CDH10: variants seen among roughly 807,000 people sequenced by gnomAD.
CDH10 encodes the protein cadherin 10.
Under a neutral mutation model 73.1 loss-of-function variants are expected in CDH10, and 30 were observed. That is an observed-to-expected ratio of 0.41 (90% CI 0.31 to 0.56). CDH10 has a LOEUF of 0.56. CDH10 is among the 20% of genes least tolerant of loss of function. The pLI, the probability that CDH10 is intolerant of heterozygous loss-of-function variation, is 0.27. For synonymous variants in CDH10, 345 were observed against 348.2 expected (o/e 0.99, Z 0.10); for missense variants, 815 against 973.7 (o/e 0.84, Z 2.17).
intron 1 of CDH10, among the ~76,000 whole-genome samples, chr5:24,594,263 T>A (rs1187875678): frequency 6.6e-6 from 1 of 151,896 alleles, no homozygotes; most frequent in Non-Finnish European, 1.5e-5. Context: ...TATAATTAAA[T>A]CCAGCAGATA....
At chr5:24,576,895 T>C (rs1745626455) in intron 2 of CDH10, among the ~76,000 whole-genome samples, 1 of 151,856 alleles carries the variant, frequency 6.6e-6, no homozygotes, top group Non-Finnish European at 1.5e-5. Flanking sequence ...TAATGAGCAA[T>C]ATTGAAAACA....
intron 11 of CDH10, among the ~76,000 whole-genome samples, 194 bp downstream of exon 11, chr5:24,491,382 C>CAAATAT (rs111560999): frequency 1.3e-5 from 2 of 151,482 alleles, no homozygotes; most frequent in African/African-American, 2.4e-5. Context: ...ACTATTACTA[C>CAAATAT]AACAAAAATT....
At chr5:24,562,666 G>A (rs1447474470) in intron 2 of CDH10, among the ~76,000 whole-genome samples, 1 of 152,016 alleles carries the variant, frequency 6.6e-6, no homozygotes, top group Non-Finnish European at 1.5e-5. Flanking sequence ...GATGTAGAAA[G>A]ACAAAAAATA....
chr5:24,559,857 GT>G (rs1744894440), intron 2 of CDH10, among the ~76,000 whole-genome samples: 1 of 152,058 alleles, frequency 6.6e-6, no homozygotes, highest in Non-Finnish European at 1.5e-5. Context: ...ACCCCTATCA[GT>G]TTCTTTATTT....
intron 2 of CDH10, among the ~76,000 whole-genome samples, chr5:24,583,038 G>C (rs1446692859): frequency 6.6e-6 from 1 of 151,194 alleles, no homozygotes; most frequent in East Asian, 1.9e-4. Context: ...AATAGCACCT[G>C]TCATATTGCT....
chr5:24,530,294 T>G (rs530308586), intron 5 of CDH10, among the ~76,000 whole-genome samples: 1 of 152,078 alleles, frequency 6.6e-6, no homozygotes, highest in East Asian at 1.9e-4. Context: ...ATTGTAACAT[T>G]TTCTCAGGGA....
In CDH10 at chr5:24,562,015, T is replaced by TTGTTAC. The variant is rs1391975281; in HGVS notation, c.232-24342_232-24341insGTAACA. On this transcript the variant is annotated intron_variant, in intron 2 of 11. Coordinates refer to ENST00000264463, the MANE Select transcript of CDH10 (RefSeq NM_006727.5). ...TTTCTTGGTAGGCCCAATAAATGGT[T>TTGTTAC]TGTTGTTTCTAATTTGCTGGATGCA... is the stretch of plus-strand genomic sequence containing the variant. 3.9e-3 allele frequency among the ~76,000 whole-genome samples: 18 copies of TTGTTAC among 4,644 alleles called. No homozygotes were observed. In the East Asian group the frequency reaches 0.18, roughly 46 times the overall value. 3.0% of individuals were successfully genotyped at this position (4,644 alleles called of 152,430 possible).
In CDH10 at chr5:24,587,493, A is replaced by G. The variant is rs184091412; in HGVS notation, c.231+5767T>C. Among the ~76,000 whole-genome samples the G allele has an allele frequency of 8.6e-3, 1,303 of 152,296 alleles. 11 individuals carry two copies. Among genetic ancestry groups the G allele is most frequent in the Non-Finnish European group, 0.013 (869 of 68,000 alleles). ...TTAATAATAACCATGCTTCATTGCC[A>G]TTACATATGTACTTGTGTGAATTAT... is the stretch of plus-strand genomic sequence containing the variant. On this transcript the variant is annotated intron_variant, in intron 2 of 11. Transcript: ENST00000264463.
chr5:24,525,376 AT>A (rs1220736283), intron 5 of CDH10, among the ~76,000 whole-genome samples: 5 of 151,998 alleles, frequency 3.3e-5, no homozygotes, highest in South Asian at 2.1e-4. Context: ...CTTTAGCTTA[AT>A]TTTTTTATTT....
intron 1 of CDH10, among the ~76,000 whole-genome samples, chr5:24,639,667 T>C (rs1359114482): frequency 1.3e-5 from 2 of 151,788 alleles, no homozygotes; most frequent in Non-Finnish European, 3.0e-5. Flanking sequence ...CCAGATTTCA[T>C]TTTTAGATTC....
chr5:24,582,525 C>T (rs186443070), intron 2 of CDH10, among the ~76,000 whole-genome samples: 1 of 152,116 alleles, frequency 6.6e-6, no homozygotes, highest in African/African-American at 2.4e-5. Flanking sequence ...TTCCTGGGGG[C>T]TAGAAATTTT....
intron 5 of CDH10, 75 bp from the exon 6 acceptor site, chr5:24,511,589 G>C: frequency 1.5e-6 from 1 of 661,020 alleles, no homozygotes. Flanking sequence ...GAGAGAGAGA[G>C]AGATTTCTCA....
At chr5:24,584,397 C>G (rs1646634542) in intron 2 of CDH10, among the ~76,000 whole-genome samples, 1 of 139,580 alleles carries the variant, frequency 7.2e-6, no homozygotes, top group African/African-American at 2.6e-5. Flanking sequence ...CAATTTTTAA[C>G]AAAAAGAGTG....
intron 1 of CDH10, among the ~76,000 whole-genome samples, chr5:24,599,602 A>T (rs1298679179): frequency 6.6e-6 from 1 of 152,170 alleles, no homozygotes; most frequent in Non-Finnish European, 1.5e-5. Context: ...TGTTCTGCAA[A>T]ATATGTTTCT....
At chr5:24,636,932 A>G (rs1910965) in intron 1 of CDH10, among the ~76,000 whole-genome samples, 151,944 of 152,014 alleles carry the variant, frequency 1, 75,937 homozygotes, top group Middle Eastern at 1. Flanking sequence ...CTCAGGGATT[A>G]ACTAAAGAAA....
chr5:24,565,657 T>A (rs556844978), intron 2 of CDH10, among the ~76,000 whole-genome samples: 1 of 152,040 alleles, frequency 6.6e-6, no homozygotes, highest in Non-Finnish European at 1.5e-5. Flanking sequence ...AAGGAAGTAA[T>A]TGAGGTTAAA....
chr5:24,598,563 T>G (rs1579457902), intron 1 of CDH10, among the ~76,000 whole-genome samples: 1 of 149,674 alleles, frequency 6.7e-6, no homozygotes, highest in East Asian at 1.9e-4. Context: ...GGTGGACCAT[T>G]TTATGCCTAT....
intron 2 of CDH10, among the ~76,000 whole-genome samples, chr5:24,573,405 T>A (rs1051513455): frequency 6.6e-6 from 1 of 151,808 alleles, no homozygotes; most frequent in Non-Finnish European, 1.5e-5. Context: ...GAAAGAAAGT[T>A]TAAAGACAAA....
intron 2 of CDH10, among the ~76,000 whole-genome samples, chr5:24,582,929 G>A (rs935802740): frequency 2.6e-5 from 4 of 152,128 alleles, no homozygotes; most frequent in African/African-American, 9.7e-5. Flanking sequence ...CCTCAATGGA[G>A]AGTAATATAA....
Sources: allele counts gnomAD v4.1 joint callset (sites outside exome capture counted in the v4.1 genomes callset), GRCh38; gene constraint gnomAD v4.1.1; transcripts MANE v1.5; gene names NCBI Gene and HGNC (gene_info 2026-07-23, HGNC 2026-07-21).